The following TNK2 variants were observed in gnomAD, a reference collection of about 807,000 sequenced individuals.
The protein encoded by TNK2 is activated CDC42 kinase 1.
TNK2 carries 83 observed loss-of-function variants against 101.8 expected under a neutral mutation model. The ratio of observed to expected loss-of-function variants is 0.82; its 90% confidence interval spans 0.68 to 0.98. TNK2 has a LOEUF of 0.98. Among genes scored for constraint, TNK2 ranks in the 50% least tolerant of loss-of-function variants. TNK2 has a pLI of 0.00. For missense variants in TNK2, 1,665 were observed against 1,483.2 expected, an observed-to-expected ratio of 1.12 and a Z score of -2.01; for synonymous variants, 804 against 633.0, an observed-to-expected ratio of 1.27 and a Z score of -4.06.
chr3:195,870,784 C>A (rs962120827), intron 10 of TNK2, among the ~76,000 whole-genome samples: 2 of 152,258 alleles, frequency 1.3e-5, no homozygotes, highest in African/African-American at 4.8e-5. Context: ...GGGCAGAGGG[C>A]ACCAGCCTCT....
Position 195,884,968 on chromosome 3 carries a change from C to T in TNK2, c.300G>A (p.Lys100=). The T allele has an allele frequency of 6.2e-7, 1 of 1,613,852 alleles. No individual in the cohort carries two copies. Among genetic ancestry groups the T allele is most frequent in the Non-Finnish European group, 8.5e-7 (1 of 1,179,878 alleles). ...PPHHSQSTFR[K]TSPAPGGPAG... Reference sequence around the variant, plus strand: ...CTGGGCCCCCAGGGGCGGGCGAGGTCTTCCGGAAGGTGCTCTGAGAGTGAT... The same window carrying T: ...CTGGGCCCCCAGGGGCGGGCGAGGTTTTCCGGAAGGTGCTCTGAGAGTGAT... The change falls in exon 4 of 16, where the codon AAG becomes AAA. Residue 100 remains lysine (K), a synonymous_variant. Transcript: ENST00000672887.
At chr3:195,895,198 G>A (rs762383185) in intron 1 of TNK2, 11 of 1,449,644 alleles carry the variant, frequency 7.6e-6, no homozygotes, top group Non-Finnish European at 9.1e-6. Flanking sequence ...AGCAGACGAA[G>A]GGGTCTGGGG....
At chr3:195,897,818 A>ACCCCCCCCCCCCCC (rs74653172) in intron 1 of TNK2, among the ~76,000 whole-genome samples, 1 of 95,234 alleles carries the variant, frequency 1.1e-5, no homozygotes, top group Non-Finnish European at 2.1e-5. Context: ...TCACCCCCCC[A>ACCCCCCCCCCCCCC]CCCCCCCCCC....
intron 1 of TNK2, among the ~76,000 whole-genome samples, chr3:195,893,780 C>T (rs1759532227): frequency 6.6e-6 from 1 of 152,104 alleles, no homozygotes; most frequent in Non-Finnish European, 1.5e-5. Flanking sequence ...TCCAGCTGGC[C>T]ACCAGCTCAG....
In TNK2 at chr3:195,878,031, T is replaced by C. The variant is rs1189942956; in HGVS notation, c.1256+222A>G. Among the ~76,000 whole-genome samples, 1 of 151,742 alleles carries C rather than the reference T, an allele frequency of 6.6e-6. No individual in the cohort carries two copies. Among genetic ancestry groups the C allele is most frequent in the African/African-American group, 2.4e-5 (1 of 41,242 alleles). On this transcript the variant is annotated intron_variant, in intron 9 of 15. Coordinates refer to ENST00000672887, the MANE Select transcript of TNK2 (RefSeq NM_001382273.1). The surrounding 1 kb of genome is among the most constrained non-coding windows in gnomAD (Gnocchi z 4.7). ...CCTGGCCCAACCACACAGCCAGGGC[T>C]GCAGCCCAGTGGGAAAGGGTGGTGG...
intron 1 of TNK2, chr3:195,895,461 C>G (rs890958571): frequency 2.1e-6 from 3 of 1,404,804 alleles, no homozygotes; most frequent in South Asian, 3.1e-5. Flanking sequence ...CCCCCATAGC[C>G]TCATCCGCCA....
chr3:195,872,162 G>A, intron 10 of TNK2, 114 bp downstream of exon 10: 9 of 1,240,440 alleles, frequency 7.3e-6, no homozygotes, highest in Non-Finnish European at 8.9e-6. Context: ...GGCGGGTCGG[G>A]GGCTGAAGCC....
At chr3:195,893,871 CCT>C (rs1327824847) in intron 1 of TNK2, among the ~76,000 whole-genome samples, 1 of 152,208 alleles carries the variant, frequency 6.6e-6, no homozygotes, top group Non-Finnish European at 1.5e-5. Flanking sequence ...CTTCCCAGGG[CCT>C]CTCCCAGCAC....
At chr3:195,874,032 C>CG (rs1747380211) in intron 9 of TNK2, among the ~76,000 whole-genome samples, 1 of 152,138 alleles carries the variant, frequency 6.6e-6, no homozygotes, top group Non-Finnish European at 1.5e-5. Flanking sequence ...AGCAGAGCCC[C>CG]GGCTCCCCAG....
intron 10 of TNK2, among the ~76,000 whole-genome samples, chr3:195,872,056 C>G (rs1328177778): frequency 6.7e-6 from 1 of 149,526 alleles, no homozygotes; most frequent in Non-Finnish European, 1.5e-5. Flanking sequence ...GAGAACACTC[C>G]CCTGGAGAAC....
intron 12 of TNK2, chr3:195,868,962 G>A: frequency 3.8e-6 from 2 of 532,944 alleles, no homozygotes; most frequent in Non-Finnish European, 6.6e-6. Flanking sequence ...CGTCTAAGCT[G>A]CAGCAAGCAA....
At chr3:195,893,103 A>T (rs1300194831) in intron 1 of TNK2, among the ~76,000 whole-genome samples, 1 of 151,714 alleles carries the variant, frequency 6.6e-6, no homozygotes, top group African/African-American at 2.4e-5. Context: ...CTGTGTGGGG[A>T]CGTGGGGACT....
chr3:195,874,474 G>A (rs954667759), intron 9 of TNK2, among the ~76,000 whole-genome samples: 9 of 152,228 alleles, frequency 5.9e-5, no homozygotes, highest in African/African-American at 1.4e-4. Context: ...GAGTGCGGAG[G>A]ACGTGTGCAA....
chr3:195,873,409 G>A (rs1356761956), intron 9 of TNK2, among the ~76,000 whole-genome samples: 1 of 152,106 alleles, frequency 6.6e-6, no homozygotes, highest in Non-Finnish European at 1.5e-5. Flanking sequence ...GCCGTGAGCA[G>A]AGTCTGGGCA....
At chr3:195,869,397 C>G (rs1451052499) in intron 12 of TNK2, 100 bp downstream of exon 12, 2 of 866,812 alleles carry the variant, frequency 2.3e-6, no homozygotes, top group East Asian at 6.1e-5. Flanking sequence ...CCACCCACCT[C>G]CCCTCCGGCC....
At chr3:195,866,437 G>A (rs1273738300) in intron 15 of TNK2, among the ~76,000 whole-genome samples, 1 of 152,224 alleles carries the variant, frequency 6.6e-6, no homozygotes, top group Non-Finnish European at 1.5e-5. Context: ...CTGACCTCAG[G>A]TGATCCTCCC....
At chr3:195,869,869 G>A in intron 11 of TNK2, 1 of 557,020 alleles carries the variant, frequency 1.8e-6, no homozygotes, top group Non-Finnish European at 3.2e-6. Flanking sequence ...TGGAAGGAGG[G>A]AGGAGGGACG....
At chr3:195,887,763 A>ACGTGTGTGCGTCTGCGCG (rs1167911622) in intron 2 of TNK2, among the ~76,000 whole-genome samples, 5 of 143,494 alleles carry the variant, frequency 3.5e-5, no homozygotes, top group Non-Finnish European at 7.5e-5. Context: ...GCGTGTGCGC[A>ACGTGTGTGCGTCTGCGCG]CGTGTGTGCG....
chr3:195,869,013 C>T (rs1025497241), intron 12 of TNK2: 2 of 472,962 alleles, frequency 4.2e-6, no homozygotes, highest in Non-Finnish European at 7.5e-6. Context: ...AGCACAAGAC[C>T]CCGGCGGCCC....
Sources: allele counts gnomAD v4.1 joint callset (sites outside exome capture counted in the v4.1 genomes callset), GRCh38; gene constraint gnomAD v4.1.1; non-coding constraint Gnocchi (gnomAD v3.1); transcripts MANE v1.5; gene names NCBI Gene and HGNC (gene_info 2026-07-23, HGNC 2026-07-21).